CENPK: variants seen among roughly 807,000 people sequenced by gnomAD.
The protein encoded by CENPK is SoxLZ/Sox6-binding protein Solt.
A neutral mutation model predicts 40.9 loss-of-function variants in CENPK; 46 were observed. The observed-to-expected ratio is 1.13, with a 90% CI of 0.89 to 1.44. CENPK has a LOEUF of 1.44. CENPK is among the 40% of genes most tolerant of loss of function. The pLI is 0.00. For synonymous variants in CENPK, 107 were observed against 104.4 expected, an observed-to-expected ratio of 1.02 and a Z score of -0.15; for missense variants, 288 against 303.5, an observed-to-expected ratio of 0.95 and a Z score of 0.38.
At position 65,518,627 on chromosome 5, in the gene CENPK, T is replaced by G. The variant is rs1484537441; in HGVS notation, c.658A>C (p.Ile220Leu). The G allele has an allele frequency of 6.4e-7, 1 of 1,570,394 alleles. No individual in the cohort carries two copies. The highest frequency in any genetic ancestry group is 1.8e-5 in the Admixed American group (1 of 55,630). Reference protein sequence around the residue: ...ITLHEMLEILINRLFDVPHDP... With the variant: ...ITLHEMLEILLNRLFDVPHDP... The stretch of plus-strand genomic sequence containing the variant: ...TGTGGAACATCAAATAATCTATTTA[T>G]AAGAATCTAGGAGAAAATATCATTC... The change falls in exon 11 of 11, where the codon ATA (isoleucine) becomes CTA (leucine). Residue 220 changes from isoleucine to leucine, a missense_variant. By Grantham distance (5) the Ile-to-Leu change is conservative. Transcript: ENST00000396679.
chr5:65,529,337 A>C, intron 6 of CENPK, 138 bp from the exon 7 acceptor site: 1 of 613,644 alleles, frequency 1.6e-6, no homozygotes, highest in East Asian at 2.8e-5. Flanking sequence ...AAAGCATTTG[A>C]AAAGGTAAAT....
the CENPK span, among the ~76,000 whole-genome samples, chr5:65,497,521 G>A: frequency 1.3e-5 from 2 of 152,200 alleles, no homozygotes; most frequent in Admixed American, 1.3e-4. Flanking sequence ...CAAGATAGGA[G>A]TCACAGTCTT....
chr5:65,560,390 G>C (rs1751758446), intron 2 of CENPK, among the ~76,000 whole-genome samples: 2 of 152,126 alleles, frequency 1.3e-5, no homozygotes, highest in African/African-American at 2.4e-5. Context: ...GGGGGAAAAG[G>C]GTTGTGGCTG....
chr5:65,548,046 A>C (rs1404008588), intron 5 of CENPK, among the ~76,000 whole-genome samples: 1 of 152,200 alleles, frequency 6.6e-6, no homozygotes, highest in Non-Finnish European at 1.5e-5. Context: ...GAGAACAATT[A>C]AAGGAAAGAA....
chr5:65,516,709 A>AG (rs70983673), downstream of CENPK, among the ~76,000 whole-genome samples: 6 of 151,978 alleles, frequency 3.9e-5, no homozygotes, highest in South Asian at 1.0e-3. Flanking sequence ...CTAAAAAAAA[A>AG]GCAAGATTCC....
chr5:65,518,632 A>G lies in CENPK; in HGVS notation c.653T>C (p.Ile218Thr), dbSNP rs1193515151. The change falls in exon 11 of 11, where the codon ATT (isoleucine) becomes ACT (threonine). Residue 218 changes from isoleucine to threonine, a missense_variant and splice_region_variant. Physicochemically the swap from Ile to Thr is moderately conservative, Grantham distance 89 (BLOSUM62 -1). Coordinates refer to ENST00000396679, the MANE Select transcript of CENPK (RefSeq NM_022145.5). ...AACATCAAATAATCTATTTATAAGA[A>G]TCTAGGAGAAAATATCATTCAAAAT... Reference protein sequence around the residue: ...NLITLHEMLEILINRLFDVPH... With the variant: ...NLITLHEMLETLINRLFDVPH... The G allele has an allele frequency of 6.4e-7, 1 of 1,552,354 alleles. No homozygotes were observed. Among genetic ancestry groups the G allele is most frequent in the South Asian group, 1.2e-5 (1 of 85,274 alleles).
the CENPK span, among the ~76,000 whole-genome samples, chr5:65,498,013 G>T: frequency 1.3e-5 from 2 of 152,098 alleles, no homozygotes; most frequent in African/African-American, 2.4e-5. Flanking sequence ...CAAGAAGGAA[G>T]AAATTGAATT....
the CENPK span, among the ~76,000 whole-genome samples, chr5:65,507,709 C>T: frequency 6.6e-6 from 1 of 152,126 alleles, no homozygotes; most frequent in Non-Finnish European, 1.5e-5. Context: ...TAAACTAACA[C>T]TGATATAATA....
chr5:65,506,908 T>G, the CENPK span, among the ~76,000 whole-genome samples: 11 of 152,344 alleles, frequency 7.2e-5, no homozygotes, highest in African/African-American at 2.4e-4. Context: ...AATGTTCCAC[T>G]TCATGATTTT....
intron 9 of CENPK, among the ~76,000 whole-genome samples, chr5:65,525,717 A>C (rs1439973756): frequency 1.3e-5 from 2 of 152,240 alleles, no homozygotes; most frequent in African/African-American, 4.8e-5. Context: ...CGAGGTCATA[A>C]GAATCGGGCC....
At chr5:65,498,526 T>C in the CENPK span, among the ~76,000 whole-genome samples, 13 of 152,082 alleles carry the variant, frequency 8.5e-5, no homozygotes, top group Non-Finnish European at 1.8e-4. Flanking sequence ...GTTTCAATCA[T>C]GGACACATAA....
intron 2 of CENPK, among the ~76,000 whole-genome samples, chr5:65,560,235 A>G (rs1751725847): frequency 6.6e-6 from 1 of 152,144 alleles, no homozygotes; most frequent in Non-Finnish European, 1.5e-5. Context: ...TGTAATATAT[A>G]TGGCAACCCA....
intron 2 of CENPK, among the ~76,000 whole-genome samples, chr5:65,559,078 C>T (rs563387854): frequency 6.6e-6 from 1 of 152,326 alleles, no homozygotes; most frequent in East Asian, 1.9e-4. Context: ...TACCCCACAT[C>T]AAACGCAAAT....
At chr5:65,541,982 T>G (rs992788202) in intron 6 of CENPK, among the ~76,000 whole-genome samples, 1 of 152,194 alleles carries the variant, frequency 6.6e-6, no homozygotes, top group African/African-American at 2.4e-5. Flanking sequence ...AGGGCTCACC[T>G]CTTCACAGAC....
chr5:65,552,693 T>G (rs1750302082), intron 3 of CENPK, 144 bp from the exon 4 acceptor site: 2 of 456,320 alleles, frequency 4.4e-6, no homozygotes, highest in African/African-American at 2.0e-5. Flanking sequence ...AATTCCTCAC[T>G]ATGTAAGACG....
chr5:65,552,204 G>A (rs865919757), intron 4 of CENPK, among the ~76,000 whole-genome samples: 2 of 152,016 alleles, frequency 1.3e-5, no homozygotes, highest in Non-Finnish European at 2.9e-5. Context: ...ACAAGGCAGC[G>A]TAATAGCAAC....
chr5:65,532,930 A>AC lies in CENPK; in HGVS notation c.289-3732_289-3731insG, dbSNP rs1210410487. ...ATCTCCAAAAAAAAAAAAAAAAAAA[A>AC]AAAAAATCAATTTTAAAAATCAATC... On this transcript the variant is annotated intron_variant, in intron 6 of 10. Coordinates refer to ENST00000396679, the MANE Select transcript of CENPK (RefSeq NM_022145.5). 6.3e-3 allele frequency among the ~76,000 whole-genome samples: 935 copies of AC among 147,276 alleles called. 27 individuals carry two copies. The highest frequency in any genetic ancestry group is 0.023 in the African/African-American group (883 of 38,600).
In CENPK at chr5:65,518,443, A is replaced by AT. The variant is rs1410026237; in HGVS notation, c.*31dup. On this transcript the variant is annotated 3_prime_UTR_variant, in exon 11 of 11. Coordinates refer to ENST00000396679, the MANE Select transcript of CENPK (RefSeq NM_022145.5). Reference sequence around the variant, plus strand: ...GTTCCAATATCCTTGAATGATAAGAATTTTTACTGTGTGAAAAAAGAAAAC... The same window carrying AT: ...GTTCCAATATCCTTGAATGATAAGAATTTTTTACTGTGTGAAAAAAGAAAAC... 1.9e-6 allele frequency: 3 copies of AT among 1,589,810 alleles called. No homozygotes were observed. The African/African-American group carries it at 4.1e-5, about 22-fold the overall frequency.
At chr5:65,529,823 G>C (rs1745445873) in intron 6 of CENPK, 1 of 145,392 alleles carries the variant, frequency 6.9e-6, no homozygotes, top group African/African-American at 2.6e-5. Context: ...TTTATTTTTT[G>C]AGACAGAGTC....
Sources: allele counts gnomAD v4.1 joint callset (sites outside exome capture counted in the v4.1 genomes callset), GRCh38; gene constraint gnomAD v4.1.1; transcripts MANE v1.5; gene names NCBI Gene and HGNC (gene_info 2026-07-23, HGNC 2026-07-21).